Variants in SF3B1 observed in about 807,000 individuals in gnomAD.
The protein encoded by SF3B1 is splicing factor 3b subunit 1.
A neutral mutation model predicts 153.8 loss-of-function variants in SF3B1; 12 were observed. That is an observed-to-expected ratio of 0.08 (90% CI 0.05 to 0.13). SF3B1 has a LOEUF of 0.13. Ranked by LOEUF, SF3B1 falls within the 10% of genes least tolerant of loss-of-function variation. SF3B1 has a pLI of 1.00. For synonymous variants in SF3B1, 498 were observed against 525.2 expected (o/e 0.95, Z 0.71); for missense variants, 513 against 1,606.1 (o/e 0.32, Z 11.63).
At chr2:197,418,264 ATCCCTTGTGAGAC>A (rs2085186422) in intron 5 of SF3B1, among the ~76,000 whole-genome samples, 1 of 144,120 alleles carries the variant, frequency 6.9e-6, no homozygotes, top group Non-Finnish European at 1.5e-5. Context: ...AAAAAAAAAA[ATCCCTTGTGAGAC>A]ACATACATAC....
intron 10 of SF3B1, 26 bp downstream of exon 10, chr2:197,405,249 A>C (rs2084977527): frequency 6.3e-7 from 1 of 1,594,576 alleles, no homozygotes; most frequent in African/African-American, 1.3e-5. Flanking sequence ...CACAATTAAT[A>C]GTTTATTTCT....
chr2:197,423,664 G>A, intron 2 of SF3B1, 144 bp downstream of exon 2: 1 of 708,594 alleles, frequency 1.4e-6, no homozygotes, highest in Non-Finnish European at 2.3e-6. Context: ...CTGAACCTTA[G>A]AGAGGATACC....
rs187359100 is a variant in SF3B1 at position 197,407,380 on chromosome 2, G to A, written c.1239+618C>T. 9.9e-5 allele frequency among the ~76,000 whole-genome samples: 15 copies of A among 152,182 alleles called. No homozygotes were observed. The East Asian group carries it at 2.7e-3, about 27-fold the overall frequency. ...AGCACTTTGGGAGGCTGAGAGGGAC[G>A]GATCACTTGAGGTCAGGAGTTCAAG... is the stretch of plus-strand genomic sequence containing the variant. On this transcript the variant is annotated intron_variant, in intron 9 of 24. Transcript: ENST00000335508.
At position 197,421,023 on chromosome 2, in the gene SF3B1, G is replaced by C; in HGVS notation, c.300+6C>G. 4 of 1,551,310 alleles carry C rather than the reference G, an allele frequency of 2.6e-6. No individual in the cohort carries two copies. In the South Asian group the frequency reaches 4.7e-5, roughly 18 times the overall value. ...AATAAACTATGCTTTTAAAATGAAAGATCACCTGTTCTGTTGACTGTGGTA... is the reference window on the plus strand; with the variant it reads ...AATAAACTATGCTTTTAAAATGAAACATCACCTGTTCTGTTGACTGTGGTA... On this transcript the variant is annotated splice_donor_region_variant and intron_variant, in intron 3 of 24. Transcript: ENST00000335508.
At position 197,401,337 on chromosome 2, in the gene SF3B1, C is replaced by G; in HGVS notation, c.2496+63G>C. The G allele has an allele frequency of 1.4e-6, 2 of 1,446,102 alleles. No homozygotes were observed. The highest frequency in any genetic ancestry group is 1.9e-6 in the Non-Finnish European group (2 of 1,058,964). The allele number at this position is 1,446,102 out of a possible 1,614,324, so 89.6% of individuals were successfully genotyped here. ...CAAAAAATAATATACAACATGCATT[C>G]AAGTTGACTAAAGAATGAGTTGAAA... On this transcript the variant is annotated intron_variant, in intron 17 of 24. Coordinates refer to ENST00000335508, the MANE Select transcript of SF3B1 (RefSeq NM_012433.4). The surrounding 1 kb of genome is among the most constrained non-coding windows in gnomAD (Gnocchi z 4.2).
At position 197,406,160 on chromosome 2, in the gene SF3B1, T is replaced by C. The variant is rs949496635; in HGVS notation, c.1240-688A>G. ...CTGGACAGGCCAGGATTACAGCACT[T>C]TGGGAGGCTGAGATGGGAGGAACGC... On this transcript the variant is annotated intron_variant, in intron 9 of 24. Transcript: ENST00000335508. Among the ~76,000 whole-genome samples the C allele has an allele frequency of 3.3e-5, 5 of 150,370 alleles. No individual in the cohort carries two copies. The South Asian group carries it at 8.4e-4, about 25-fold the overall frequency.
rs368427319 is a variant in SF3B1, at chr2:197,420,382, T to C, written c.415+46A>G. 21 of 1,431,354 alleles carry C rather than the reference T, an allele frequency of 1.5e-5. No individual in the cohort carries two copies. The African/African-American group carries it at 2.5e-4, about 17-fold the overall frequency. 88.7% of individuals were successfully genotyped at this position (1,431,354 alleles called of 1,614,324 possible). ...AATCAAAGGGCTAAAGACAACTTAA[T>C]ACAAATAAATTTCTGAATACTTATA... On this transcript the variant is annotated intron_variant, in intron 4 of 24. Transcript: ENST00000335508.
intron 24 of SF3B1, among the ~76,000 whole-genome samples, 180 bp from the exon 25 acceptor site, chr2:197,392,641 C>A (rs1485077422): frequency 6.7e-6 from 1 of 149,972 alleles, no homozygotes; most frequent in East Asian, 2.0e-4. Context: ...ACTCCCCTGT[C>A]ACCACACAAT....
At chr2:197,407,778 T>C (rs1403183981) in intron 9 of SF3B1, among the ~76,000 whole-genome samples, 2 of 152,116 alleles carry the variant, frequency 1.3e-5, no homozygotes, top group African/African-American at 4.8e-5. Context: ...GATAGACCCA[T>C]ACACAAGTCT....
intron 1 of SF3B1, among the ~76,000 whole-genome samples, chr2:197,434,704 A>G (rs1433556425): frequency 6.6e-6 from 1 of 152,180 alleles, no homozygotes; most frequent in Non-Finnish European, 1.5e-5. Context: ...GAAGCCGCTT[A>G]AACGAGGCCC....
At chr2:197,414,264 C>T (rs553613027) in intron 6 of SF3B1, among the ~76,000 whole-genome samples, 18 of 152,258 alleles carry the variant, frequency 1.2e-4, no homozygotes, top group African/African-American at 4.1e-4. Flanking sequence ...TGAACAAATA[C>T]GCAAGTCTGC....
At chr2:197,414,708 G>T (rs1006417571) in intron 6 of SF3B1, among the ~76,000 whole-genome samples, 2 of 152,128 alleles carry the variant, frequency 1.3e-5, no homozygotes, top group African/African-American at 4.8e-5. Flanking sequence ...GGGAAAGCAA[G>T]TACAAACAAC....
chr2:197,426,828 G>C (rs1277278839), intron 1 of SF3B1, among the ~76,000 whole-genome samples: 2 of 151,928 alleles, frequency 1.3e-5, no homozygotes, highest in Non-Finnish European at 2.9e-5. Flanking sequence ...TTCCAATTTA[G>C]AGCATCATTT....
intron 20 of SF3B1, among the ~76,000 whole-genome samples, chr2:197,399,782 G>A (rs1462689319): frequency 2.0e-5 from 3 of 152,098 alleles, no homozygotes; most frequent in Non-Finnish European, 4.4e-5. Context: ...CTAGGGTCCT[G>A]TATTCCATGA....
intron 1 of SF3B1, among the ~76,000 whole-genome samples, chr2:197,427,591 C>G (rs1319649543): frequency 6.6e-6 from 1 of 152,132 alleles, no homozygotes; most frequent in African/African-American, 2.4e-5. Flanking sequence ...AACTTTGTGT[C>G]TGAGGTTTCG....
chr2:197,418,234 C>CAAAAAAACAAAAAAAA (rs2085183394), intron 5 of SF3B1, among the ~76,000 whole-genome samples: 1 of 36,366 alleles, frequency 2.7e-5, no homozygotes, highest in African/African-American at 8.2e-5. Context: ...AGACTGTGTC[C>CAAAAAAACAAAAAAAA]AAAAAAAAAA....
intron 1 of SF3B1, among the ~76,000 whole-genome samples, chr2:197,431,231 C>T (rs2085430575): frequency 6.7e-6 from 1 of 149,862 alleles, no homozygotes; most frequent in Non-Finnish European, 1.5e-5. Flanking sequence ...GATTCTCCTG[C>T]AACAGCCTCC....
intron 1 of SF3B1, among the ~76,000 whole-genome samples, chr2:197,431,484 T>A (rs1185709349): frequency 6.6e-6 from 1 of 152,190 alleles, no homozygotes; most frequent in Non-Finnish European, 1.5e-5. Flanking sequence ...CCTCCTTGAT[T>A]TTTATTTTTC....
chr2:197,403,041 AAAGAG>A lies in SF3B1; in HGVS notation c.1720-11_1720-7del, dbSNP rs774101523. On this transcript the variant is annotated splice_polypyrimidine_tract_variant and splice_region_variant and intron_variant, in intron 12 of 24. Transcript: ENST00000335508. ...GGTTCAATGACCACGAGGATCTGAA[AAAGAG>A]AAAAGAGAAGAAGCTACACTTTCAC... 4.6e-6 allele frequency: 7 copies of A among 1,513,300 alleles called. No individual in the cohort carries two copies. Among genetic ancestry groups the A allele is most frequent in the Non-Finnish European group, 6.2e-6 (7 of 1,129,968 alleles). The allele number at this position is 1,513,300 out of a possible 1,614,324, so 93.7% of individuals were successfully genotyped here.
Sources: gnomAD v4.1 joint callset for allele counts (sites outside exome capture counted in the v4.1 genomes callset) on GRCh38, gnomAD v4.1.1 for gene constraint, Gnocchi (gnomAD v3.1) non-coding constraint, MANE v1.5 for transcripts, NCBI Gene and HGNC (gene_info 2026-07-23, HGNC 2026-07-21) for gene names.